KIF13A: variants seen among roughly 807,000 people sequenced by gnomAD.
The protein encoded by KIF13A is kinesin family member 13A, also known as kinesin-like protein KIF13A.
KIF13A carries 79 observed loss-of-function variants against 212.2 expected under a neutral mutation model. That is an observed-to-expected ratio of 0.37 (90% confidence interval 0.31 to 0.45). The LOEUF is 0.45. Ranked by LOEUF, KIF13A falls within the 20% of genes least tolerant of loss-of-function variation. KIF13A has a pLI of 1.00. For missense variants in KIF13A, 1,901 were observed against 2,209.0 expected (o/e 0.86, Z 2.79); for synonymous variants, 789 against 808.6 (o/e 0.98, Z 0.41).
At position 17,892,829 on chromosome 6, in the gene KIF13A, G is replaced by A. The variant is rs1375840137; in HGVS notation, c.159+5339C>T. On this transcript the variant is annotated intron_variant, in intron 3 of 38. Transcript: ENST00000259711. This position sits in a 1 kb window ranked among gnomAD's most constrained non-coding sequence, Gnocchi z 4.7. ...ATGCTGCCTTGCCCTATGCATTGCT[G>A]CCATCTGACTCTTCCTGAGTTTTAT... Among the ~76,000 whole-genome samples the A allele has an allele frequency of 6.6e-6, 1 of 152,194 alleles. No homozygotes were observed. The highest frequency in any genetic ancestry group is 1.5e-5 in the Non-Finnish European group (1 of 68,036).
chr6:17,941,377 C>T (rs1776942904), intron 2 of KIF13A, among the ~76,000 whole-genome samples: 1 of 152,162 alleles, frequency 6.6e-6, no homozygotes, highest in Non-Finnish European at 1.5e-5. Context: ...AGCATCTTAG[C>T]TATTGTTATG....
chr6:17,799,491 T>C lies in KIF13A; in HGVS notation c.2617-52A>G. 1.5e-6 allele frequency: 2 copies of C among 1,367,404 alleles called. No homozygotes were observed. Among genetic ancestry groups the C allele is most frequent in the Non-Finnish European group, 2.0e-6 (2 of 1,022,454 alleles). 84.7% of individuals were successfully genotyped at this position (1,367,404 alleles called of 1,614,324 possible). A position where few individuals can be genotyped will look rare whatever the true frequency, so the allele number is the denominator to read the frequency against. The stretch of plus-strand genomic sequence containing the variant: ...ACTCCAATGAACACTAAACATTCTT[T>C]CATTTCAGCTACCTCAAATTTAAGA... On this transcript the variant is annotated intron_variant, in intron 21 of 38. Coordinates refer to ENST00000259711, the MANE Select transcript of KIF13A (RefSeq NM_022113.6). The surrounding 1 kb of genome is among the most constrained non-coding windows in gnomAD (Gnocchi z 4.4).
Position 17,805,519 on chromosome 6 carries a change from C to T in KIF13A, c.2260G>A (p.Asp754Asn). 6.2e-7 allele frequency: 1 copy of T among 1,613,790 alleles called. No homozygotes were observed. The highest frequency in any genetic ancestry group is 8.5e-7 in the Non-Finnish European group (1 of 1,179,822). Residue 754 changes from aspartate to asparagine, a missense_variant, in exon 19 of 39, where the codon GAC becomes AAC. Transcript: ENST00000259711. ...TIEKLENKLI[D>N]MRDLYQEWKE... ...CATTCTTGGTAAAGGTCTCTCATGT[C>T]AATTAATTTATTCTCCAGCTTCTCA...
At position 17,951,029 on chromosome 6, in the gene KIF13A, T is replaced by G. The variant is rs545563758; in HGVS notation, c.146+36025A>C. On this transcript the variant is annotated intron_variant, in intron 2 of 38. Coordinates refer to ENST00000259711, the MANE Select transcript of KIF13A (RefSeq NM_022113.6). This position sits in a 1 kb window ranked among gnomAD's most constrained non-coding sequence, Gnocchi z 4.9. ...AACATAAATGACTAAATATATGGGCTATCACAAACCCACTTTAGTAGTACA... is the reference window on the plus strand; with the variant it reads ...AACATAAATGACTAAATATATGGGCGATCACAAACCCACTTTAGTAGTACA... 4.0e-5 allele frequency: 41 copies of G among 1,015,812 alleles called. No individual in the cohort carries two copies. In the East Asian group the frequency reaches 3.3e-3, roughly 82 times the overall value. 62.9% of individuals were successfully genotyped at this position (1,015,812 alleles called of 1,614,324 possible).
At chr6:17,937,409 C>T (rs775656133) in intron 2 of KIF13A, among the ~76,000 whole-genome samples, 5 of 152,138 alleles carry the variant, frequency 3.3e-5, no homozygotes, top group African/African-American at 4.8e-5. Context: ...TTTAGTCCTT[C>T]GACCTTACAT....
At chr6:17,942,589 C>G (rs1356096290) in intron 2 of KIF13A, among the ~76,000 whole-genome samples, 5 of 152,156 alleles carry the variant, frequency 3.3e-5, no homozygotes, top group Non-Finnish European at 5.9e-5. Flanking sequence ...TCCAGCATAT[C>G]TGGGTGCCTA....
downstream of KIF13A, among the ~76,000 whole-genome samples, chr6:17,762,066 T>A (rs1017266861): frequency 6.6e-6 from 1 of 152,146 alleles, no homozygotes; most frequent in East Asian, 1.9e-4. Context: ...TTAAAAATTT[T>A]AATTTTTAAA....
At chr6:17,802,703 T>A (rs1486731140) in intron 20 of KIF13A, among the ~76,000 whole-genome samples, 3 of 152,116 alleles carry the variant, frequency 2.0e-5, no homozygotes, top group Admixed American at 2.0e-4. Flanking sequence ...TAAGAAGTCC[T>A]GAACTAGGGA....
At chr6:17,973,285 A>G (rs553402887) in intron 2 of KIF13A, among the ~76,000 whole-genome samples, 1 of 152,382 alleles carries the variant, frequency 6.6e-6, no homozygotes, top group South Asian at 2.1e-4. Flanking sequence ...ACTAATTAAA[A>G]GATTCAAATC....
At chr6:17,943,296 A>T (rs78591521) in intron 2 of KIF13A, among the ~76,000 whole-genome samples, 2,071 of 152,252 alleles carry the variant, frequency 0.014, 51 homozygotes, top group African/African-American at 0.047. Flanking sequence ...TATTTTTATA[A>T]TCCCTCTCTC....
rs1769077680 is a variant in KIF13A, at chr6:17,863,722, G to A, written c.221-7600C>T. Among the ~76,000 whole-genome samples the A allele has an allele frequency of 1.3e-5, 2 of 152,166 alleles. 1 individual carries two copies. Among genetic ancestry groups the A allele is most frequent in the Admixed American group, 1.3e-4 (2 of 15,272 alleles). ...CACTTCATTCTGCAATAGAAAATAT[G>A]AAATATCAAGAACCCTCATATGGTC... is the stretch of plus-strand genomic sequence containing the variant. On this transcript the variant is annotated intron_variant, in intron 4 of 38. Coordinates refer to ENST00000259711, the MANE Select transcript of KIF13A (RefSeq NM_022113.6).
In KIF13A at chr6:17,842,000, CGTGTGTGTGT is replaced by C. The variant is rs56396263; in HGVS notation, c.831-4427_831-4418del. Among the ~76,000 whole-genome samples the C allele has an allele frequency of 6.5e-3, 929 of 143,816 alleles. 6 individuals are homozygous for C. Among genetic ancestry groups the C allele is most frequent in the African/African-American group, 0.014 (547 of 39,646 alleles). The allele number at this position is 143,816 out of a possible 152,430, so 94.3% of individuals were successfully genotyped here. On this transcript the variant is annotated intron_variant, in intron 9 of 38. Transcript: ENST00000259711. ...ATGTATGTATGTGTATATACACATA[CGTGTGTGTGT>C]GTGTGTGTGTGTGTGTGTGTGTGTA...
Position 17,970,626 on chromosome 6 carries a change from G to T in KIF13A, c.146+16428C>A, listed in dbSNP as rs141288995. On this transcript the variant is annotated intron_variant, in intron 2 of 38. Transcript: ENST00000259711. ...AACCCCCTTCTTTATTAATCTTAATGCAATATTTGACTTAAATATCTGCGT... is the reference window on the plus strand; with the variant it reads ...AACCCCCTTCTTTATTAATCTTAATTCAATATTTGACTTAAATATCTGCGT... Among the ~76,000 whole-genome samples the T allele has an allele frequency of 1.5e-3, 235 of 152,006 alleles. 1 individual carries two copies. Among genetic ancestry groups the T allele is most frequent in the African/African-American group, 5.2e-3 (214 of 41,448 alleles).
chr6:17,843,811 G>A lies in KIF13A; in HGVS notation c.830+5566C>T, dbSNP rs992848561. ...CTGTAATCCACCACTTTTGGAGGCCGAGGGGGGCACATCACCTGAGGTCAG... is the reference window on the plus strand; with the variant it reads ...CTGTAATCCACCACTTTTGGAGGCCAAGGGGGGCACATCACCTGAGGTCAG... On this transcript the variant is annotated intron_variant, in intron 9 of 38. Coordinates refer to ENST00000259711, the MANE Select transcript of KIF13A (RefSeq NM_022113.6). The surrounding 1 kb of genome is among the most constrained non-coding windows in gnomAD (Gnocchi z 5.3). Among the ~76,000 whole-genome samples, 5 of 152,154 alleles carry A rather than the reference G, an allele frequency of 3.3e-5. No homozygotes were observed. Among genetic ancestry groups the A allele is most frequent in the African/African-American group, 1.2e-4 (5 of 41,440 alleles).
In KIF13A at chr6:17,971,484, T is replaced by C. The variant is rs1779803853; in HGVS notation, c.146+15570A>G. 6.6e-6 allele frequency among the ~76,000 whole-genome samples: 1 copy of C among 152,046 alleles called. No homozygotes were observed. The highest frequency in any genetic ancestry group is 2.1e-4 in the South Asian group (1 of 4,828). ...TCGCCCAGGCTGGAGTGCAGTGGTG[T>C]AATCATGGCTCACTGCAGCCTAGAC... is the stretch of plus-strand genomic sequence containing the variant. On this transcript the variant is annotated intron_variant, in intron 2 of 38. Transcript: ENST00000259711. This position sits in a 1 kb window ranked among gnomAD's most constrained non-coding sequence, Gnocchi z 4.2.
chr6:17,893,547 C>T (rs2150474719), intron 3 of KIF13A, among the ~76,000 whole-genome samples: 1 of 152,276 alleles, frequency 6.6e-6, no homozygotes, highest in South Asian at 2.1e-4. Context: ...ACTTTTGCTA[C>T]TTCCTTTCCA....
chr6:17,794,192 CT>C lies in KIF13A; in HGVS notation c.3222+56del. On this transcript the variant is annotated intron_variant, in intron 25 of 38. Transcript: ENST00000259711. The surrounding 1 kb of genome is among the most constrained non-coding windows in gnomAD (Gnocchi z 4.1). Reference sequence around the variant, plus strand: ...CTGTTATATTGGCAAAGAGGTCCCCCTGGGACCTGCATTAACCAAGCTTTGT... The same window carrying C: ...CTGTTATATTGGCAAAGAGGTCCCCCGGGACCTGCATTAACCAAGCTTTGT... The C allele has an allele frequency of 4.3e-6, 6 of 1,388,912 alleles. No homozygotes were observed. Among genetic ancestry groups the C allele is most frequent in the Non-Finnish European group, 6.0e-6 (6 of 998,736 alleles). The allele number at this position is 1,388,912 out of a possible 1,614,324, so 86.0% of individuals were successfully genotyped here. A position where few individuals can be genotyped will look rare whatever the true frequency, so the allele number is the denominator to read the frequency against.
At chr6:17,891,548 A>C (rs950845758) in intron 3 of KIF13A, among the ~76,000 whole-genome samples, 7 of 152,186 alleles carry the variant, frequency 4.6e-5, no homozygotes, top group Non-Finnish European at 1.0e-4. Context: ...GCTTGAAGCC[A>C]GGAGTTTGAG....
At chr6:17,804,138 T>G (rs531475518) in intron 20 of KIF13A, among the ~76,000 whole-genome samples, 1 of 133,546 alleles carries the variant, frequency 7.5e-6, no homozygotes, top group East Asian at 2.3e-4. Context: ...GGCGACAGAG[T>G]GAGACTCCGT....
Sources: gnomAD v4.1 joint callset for allele counts (sites outside exome capture counted in the v4.1 genomes callset) on GRCh38, gnomAD v4.1.1 for gene constraint, Gnocchi (gnomAD v3.1) non-coding constraint, MANE v1.5 for transcripts, NCBI Gene and HGNC (gene_info 2026-07-23, HGNC 2026-07-21) for gene names.